The following RNF150 variants were observed in gnomAD, a reference collection of about 807,000 sequenced individuals.
RNF150 encodes the protein ring finger protein 150.
Under a neutral mutation model 39.3 loss-of-function variants are expected in RNF150, and 24 were observed. The observed-to-expected ratio is 0.61, with a 90% confidence interval of 0.44 to 0.86. The LOEUF is 0.86. Among genes scored for constraint, RNF150 ranks in the 40% least tolerant of loss-of-function variants. The pLI, the probability that RNF150 is intolerant of heterozygous loss-of-function variation, is 0.00. For missense variants in RNF150, 502 were observed against 587.8 expected (o/e 0.85, Z 1.51); for synonymous variants, 255 against 227.3 (o/e 1.12, Z -1.10).
intron 1 of RNF150, among the ~76,000 whole-genome samples, chr4:141,086,878 C>T (rs1399064482): frequency 6.6e-6 from 1 of 151,690 alleles, no homozygotes; most frequent in African/African-American, 2.4e-5. Flanking sequence ...CTTCAGGAAA[C>T]CTTTCCTTTT....
chr4:141,054,503 C>CA (rs1303758092), intron 1 of RNF150, among the ~76,000 whole-genome samples: 2 of 151,962 alleles, frequency 1.3e-5, no homozygotes, highest in Admixed American at 6.6e-5. Flanking sequence ...GACGTACCAC[C>CA]AAAGACACTT....
At chr4:140,868,472 A>G in intron 6 of RNF150, 93 bp from the exon 7 acceptor site, 1 of 775,220 alleles carries the variant, frequency 1.3e-6, no homozygotes, top group Non-Finnish European at 2.2e-6. Flanking sequence ...ACATTTCTTT[A>G]AAGGCCAAGA....
At chr4:141,078,293 C>T (rs1428246991) in intron 1 of RNF150, among the ~76,000 whole-genome samples, 4 of 152,116 alleles carry the variant, frequency 2.6e-5, no homozygotes, top group Admixed American at 1.3e-4. Flanking sequence ...CAACTGCAAT[C>T]CTTTTTCTCT....
At chr4:141,180,232 T>C (rs371644218) in intron 1 of RNF150, among the ~76,000 whole-genome samples, 3 of 152,158 alleles carry the variant, frequency 2.0e-5, no homozygotes, top group African/African-American at 7.2e-5. Flanking sequence ...GCACAAGCAG[T>C]TCCCAGCAAC....
chr4:141,095,672 A>T (rs930397171), intron 1 of RNF150, among the ~76,000 whole-genome samples: 48 of 152,234 alleles, frequency 3.2e-4, no homozygotes, highest in African/African-American at 1.0e-3. Context: ...TTTGTGTAGT[A>T]CATAAAGCAG....
intron 1 of RNF150, among the ~76,000 whole-genome samples, chr4:141,139,870 C>A (rs1234290855): frequency 6.6e-6 from 1 of 152,158 alleles, no homozygotes; most frequent in East Asian, 1.9e-4. Flanking sequence ...GGCTATACTA[C>A]CACATTGGTA....
At chr4:141,192,368 G>A (rs354928) in intron 1 of RNF150, among the ~76,000 whole-genome samples, 142,308 of 152,212 alleles carry the variant, frequency 0.93, 67,207 homozygotes, top group Non-Finnish European at 1. Context: ...AGTACACAGA[G>A]TATTCGATAG....
chr4:141,121,887 C>T (rs946572642), intron 1 of RNF150, among the ~76,000 whole-genome samples: 1 of 152,092 alleles, frequency 6.6e-6, no homozygotes, highest in African/African-American at 2.4e-5. Context: ...AGATTCATCC[C>T]GCATAGTGGC....
chr4:141,183,542 T>C (rs1171763259), intron 1 of RNF150, among the ~76,000 whole-genome samples: 1 of 152,170 alleles, frequency 6.6e-6, no homozygotes, highest in Non-Finnish European at 1.5e-5. Context: ...TATTTTATTT[T>C]TATTTTCATT....
chr4:141,103,651 T>C (rs1351408736), intron 1 of RNF150, among the ~76,000 whole-genome samples: 2 of 152,222 alleles, frequency 1.3e-5, no homozygotes, highest in Non-Finnish European at 1.5e-5. Flanking sequence ...TAGCTACCCA[T>C]ATCACATGCA....
chr4:140,922,772 A>T (rs1403345282), intron 5 of RNF150, among the ~76,000 whole-genome samples: 1 of 151,886 alleles, frequency 6.6e-6, no homozygotes, highest in Admixed American at 6.6e-5. Context: ...CAAAACAGAG[A>T]TATAGACCAA....
At chr4:140,871,789 G>T (rs943139584) in intron 6 of RNF150, among the ~76,000 whole-genome samples, 12 of 152,164 alleles carry the variant, frequency 7.9e-5, no homozygotes, top group Non-Finnish European at 1.8e-4. Context: ...TCACACCTTG[G>T]TTTTTTCTAA....
intron 1 of RNF150, among the ~76,000 whole-genome samples, chr4:140,970,350 A>T (rs1031101921): frequency 3.9e-5 from 6 of 152,128 alleles, no homozygotes; most frequent in Non-Finnish European, 5.9e-5. Flanking sequence ...TCAATTTTGC[A>T]CTTTTTGCTC....
chr4:140,947,110 T>C (rs1732345829), intron 4 of RNF150, among the ~76,000 whole-genome samples: 1 of 151,456 alleles, frequency 6.6e-6, no homozygotes, highest in African/African-American at 2.4e-5. Flanking sequence ...ATGCCTGGCA[T>C]CCTCCCCTAG....
At chr4:140,979,285 G>A (rs1182709107) in intron 1 of RNF150, among the ~76,000 whole-genome samples, 2 of 152,104 alleles carry the variant, frequency 1.3e-5, no homozygotes, top group Non-Finnish European at 2.9e-5. Flanking sequence ...CACAGTATAG[G>A]AGACTATGAG....
intron 1 of RNF150, among the ~76,000 whole-genome samples, chr4:141,077,560 T>A (rs1264323753): frequency 6.6e-6 from 1 of 152,248 alleles, no homozygotes; most frequent in Non-Finnish European, 1.5e-5. Flanking sequence ...AAAATTTGTT[T>A]GCAAATTAAA....
chr4:141,050,633 A>T (rs1242852195), intron 1 of RNF150, among the ~76,000 whole-genome samples: 1 of 152,204 alleles, frequency 6.6e-6, no homozygotes, highest in African/African-American at 2.4e-5. Flanking sequence ...TAAAGCTCCA[A>T]AATGATCTCC....
intron 1 of RNF150, among the ~76,000 whole-genome samples, chr4:141,197,220 A>G (rs1728215137): frequency 6.6e-6 from 1 of 152,138 alleles, no homozygotes; most frequent in South Asian, 2.1e-4. Context: ...GAATGTCTTC[A>G]TTTGGTATTT....
chr4:140,993,054 G>A (rs1003021549), intron 1 of RNF150, among the ~76,000 whole-genome samples: 7 of 152,236 alleles, frequency 4.6e-5, no homozygotes, highest in South Asian at 4.2e-4. Context: ...GTCAAGAACC[G>A]TCTTGGTGGA....
Sources: gnomAD v4.1 joint callset for allele counts (sites outside exome capture counted in the v4.1 genomes callset) on GRCh38, gnomAD v4.1.1 for gene constraint, MANE v1.5 for transcripts, NCBI Gene and HGNC (gene_info 2026-07-23, HGNC 2026-07-21) for gene names.